ACAT1: variants seen among roughly 807,000 people sequenced by gnomAD.
ACAT1 encodes the protein acetyl-CoA acetyltransferase, mitochondrial.
Under a neutral mutation model 47.3 loss-of-function variants are expected in ACAT1, and 28 were observed. The observed-to-expected ratio is 0.59, with a 90% CI of 0.44 to 0.81. ACAT1 has a LOEUF of 0.81. Ranked by LOEUF, ACAT1 falls within the 30% of genes least tolerant of loss-of-function variation. The pLI is 0.00. For missense variants in ACAT1, 469 were observed against 524.3 expected, an observed-to-expected ratio of 0.89 and a Z score of 1.03; for synonymous variants, 181 against 173.6, an observed-to-expected ratio of 1.04 and a Z score of -0.34.
rs969770311 is a variant in ACAT1, at chr11:108,134,270, A to C, written c.288A>C (p.Gln96His). Residue 96 changes from glutamine (Q) to histidine (H), a missense_variant, in exon 4 of 12, where the codon CAA becomes CAC. By Grantham distance (24) the Gln-to-His change is conservative. Transcript: ENST00000265838. Reference protein sequence around the residue: ...VKEAYMGNVLQGGEGQAPTRQ... With the variant: ...VKEAYMGNVLHGGEGQAPTRQ... The stretch of plus-strand genomic sequence containing the variant: ...AAGCATACATGGGTAATGTTCTACA[A>C]GGAGGTGAAGGACAAGCTCCTACAA... 1 of 1,613,776 alleles carries C rather than the reference A, an allele frequency of 6.2e-7. No homozygotes were observed. The highest frequency in any genetic ancestry group is 8.5e-7 in the Non-Finnish European group (1 of 1,179,852).
chr11:108,146,356 T>A lies in ACAT1; in HGVS notation c.1160T>A (p.Ile387Asn), dbSNP rs748303093. Residue 387 changes from isoleucine (I) to asparagine (N), a missense_variant, in exon 11 of 12, where the codon ATT becomes AAT. Physicochemically the swap from Ile to Asn is moderately radical, Grantham distance 149 (BLOSUM62 -3). Transcript: ENST00000265838. Reference protein sequence around the residue: ...NGGAVSLGHPIGMSGARIVGH... With the variant: ...NGGAVSLGHPNGMSGARIVGH... ...GGAGCTGTTTCTCTGGGACATCCAATTGGGTAGGTAAAAATAATAACTATA... is the reference window on the plus strand; with the variant it reads ...GGAGCTGTTTCTCTGGGACATCCAAATGGGTAGGTAAAAATAATAACTATA... 1.2e-6 allele frequency: 2 copies of A among 1,613,888 alleles called. No homozygotes were observed. Among genetic ancestry groups the A allele is most frequent in the Non-Finnish European group, 1.7e-6 (2 of 1,179,870 alleles).
chr11:108,132,005 C>A, intron 2 of ACAT1, 51 bp downstream of exon 2: 1 of 1,148,984 alleles, frequency 8.7e-7, no homozygotes, highest in South Asian at 1.3e-5. Context: ...AAGGAAATGT[C>A]AATAAAAATG....
At chr11:108,124,178 CCTGA>C (rs2077205704) in intron 1 of ACAT1, among the ~76,000 whole-genome samples, 1 of 152,218 alleles carries the variant, frequency 6.6e-6, no homozygotes, top group African/African-American at 2.4e-5. Context: ...CTGCTGGGAT[CCTGA>C]CCCCTTGGCT....
rs538151145 is a variant in ACAT1, at chr11:108,139,588, GTCTCA to G, written c.580-476_580-472del. Among the ~76,000 whole-genome samples, 15 of 151,682 alleles carry G rather than the reference GTCTCA, an allele frequency of 9.9e-5. No individual in the cohort carries two copies. In the South Asian group the frequency reaches 3.1e-3, roughly 31 times the overall value. On this transcript the variant is annotated intron_variant, in intron 6 of 11. Coordinates refer to ENST00000265838, the MANE Select transcript of ACAT1 (RefSeq NM_000019.4). ...GCCTGGGTGACAAGAGTCAAACTCC[GTCTCA>G]AAAAAAGACATGAGTGAAAAGTGAC...
intron 1 of ACAT1, among the ~76,000 whole-genome samples, chr11:108,128,460 G>A (rs369028124): frequency 6.6e-6 from 1 of 152,106 alleles, no homozygotes; most frequent in Non-Finnish European, 1.5e-5. Flanking sequence ...GCGTGGTGGC[G>A]CATGCCTGTA....
intron 2 of ACAT1, 74 bp from the exon 3 acceptor site, chr11:108,133,746 T>TA (rs2077406248): frequency 8.2e-7 from 1 of 1,217,360 alleles, no homozygotes; most frequent in African/African-American, 1.5e-5. Flanking sequence ...TTTTTGATAA[T>TA]ATATTTATGT....
intron 10 of ACAT1, among the ~76,000 whole-genome samples, chr11:108,144,579 T>C (rs2077663916): frequency 1.3e-5 from 2 of 152,058 alleles, no homozygotes; most frequent in South Asian, 4.1e-4. Context: ...TTCTTAGAAA[T>C]CTTAAGTAAA....
chr11:108,140,859 G>C (rs1342643903), intron 7 of ACAT1, among the ~76,000 whole-genome samples: 1 of 152,070 alleles, frequency 6.6e-6, no homozygotes, highest in Non-Finnish European at 1.5e-5. Context: ...AGCTGCCTCT[G>C]GGGTCAGGAG....
chr11:108,138,083 G>A (rs2077501760), intron 5 of ACAT1, among the ~76,000 whole-genome samples: 1 of 145,874 alleles, frequency 6.9e-6, no homozygotes. Flanking sequence ...CTGCCTCCCA[G>A]GTTCACGCCA....
upstream of ACAT1, among the ~76,000 whole-genome samples, chr11:108,120,178 G>A (rs896878851): frequency 6.6e-6 from 1 of 151,746 alleles, no homozygotes; most frequent in Non-Finnish European, 1.5e-5. Context: ...GGTGACAAGT[G>A]CGAGACTGTC....
Position 108,133,897 on chromosome 11 carries a change from G to A in ACAT1, c.198G>A (p.Lys66=). The A allele has an allele frequency of 1.2e-6, 2 of 1,614,094 alleles. No individual in the cohort carries two copies. Among genetic ancestry groups the A allele is most frequent in the Non-Finnish European group, 1.7e-6 (2 of 1,180,006 alleles). ...LGSLSLLPAT[K]LGSIAIQGAI... is the part of the protein sequence containing the mutation. Reference sequence around the variant, plus strand: ...GCCTTTCCTTGCTGCCAGCCACTAAGCTTGGTTCCATTGCAATTCAGGGAG... The same window carrying A: ...GCCTTTCCTTGCTGCCAGCCACTAAACTTGGTTCCATTGCAATTCAGGGAG... The change falls in exon 3 of 12, where the codon AAG becomes AAA. Residue 66 remains lysine (K), a synonymous_variant. Transcript: ENST00000265838.
upstream of ACAT1, among the ~76,000 whole-genome samples, chr11:108,117,336 T>G (rs1363101110): frequency 1.3e-5 from 2 of 148,686 alleles, no homozygotes; most frequent in Non-Finnish European, 3.0e-5. Flanking sequence ...GAGACAGAGT[T>G]TTGCTCTGTC....
rs1591359671 is a variant in ACAT1, at chr11:108,131,353, A to ATTTTTTTTTT, written c.73-554_73-553insTTTTTTTTTT. Among the ~76,000 whole-genome samples the ATTTTTTTTTT allele has an allele frequency of 4.0e-4, 4 of 10,018 alleles. No individual in the cohort carries two copies. The South Asian group carries it at 0.023, about 58-fold the overall frequency. The allele number at this position is 10,018 out of a possible 152,430, so 6.6% of individuals were successfully genotyped here. ...AAAGCTATATTTAAGAAAGACTTGG[A>ATTTTTTTTTT]ATTTTTTTTTTTTTTTTTTAGACAG... On this transcript the variant is annotated intron_variant, in intron 1 of 11. Coordinates refer to ENST00000265838, the MANE Select transcript of ACAT1 (RefSeq NM_000019.4).
At chr11:108,124,207 T>G (rs1329206348) in intron 1 of ACAT1, among the ~76,000 whole-genome samples, 1 of 152,230 alleles carries the variant, frequency 6.6e-6, no homozygotes. Flanking sequence ...TAACCTTGCT[T>G]CTTCCCTTTG....
At chr11:108,124,583 C>G (rs1157543435) in intron 1 of ACAT1, among the ~76,000 whole-genome samples, 2 of 152,106 alleles carry the variant, frequency 1.3e-5, no homozygotes, top group Non-Finnish European at 2.9e-5. Flanking sequence ...TGGCCCCCTT[C>G]CCTTTTTCTA....
chr11:108,133,316 T>C (rs2077399141), intron 2 of ACAT1, among the ~76,000 whole-genome samples: 1 of 152,090 alleles, frequency 6.6e-6, no homozygotes, highest in Non-Finnish European at 1.5e-5. Flanking sequence ...AGTTGTTTAT[T>C]ATGCAGTTAA....
chr11:108,127,571 T>G (rs1181983997), intron 1 of ACAT1, among the ~76,000 whole-genome samples: 1 of 151,924 alleles, frequency 6.6e-6, no homozygotes. Flanking sequence ...CCCGGCCTCA[T>G]AAATGCTTTT....
rs1388288534 is a variant in ACAT1 at position 108,138,975 on chromosome 11, T to C, written c.513T>C (p.Gly171=). The change falls in exon 6 of 12, where the codon GGT becomes GGC. Residue 171 remains glycine (G), a synonymous_variant. Coordinates refer to ENST00000265838, the MANE Select transcript of ACAT1 (RefSeq NM_000019.4). Reference sequence around the variant, plus strand: ...TGAACAGAGGATCAACACCATATGGTGGGGTAAAGCTTGAAGATTTGATTG... The same window carrying C: ...TGAACAGAGGATCAACACCATATGGCGGGGTAAAGCTTGAAGATTTGATTG... ...YVMNRGSTPY[G]GVKLEDLIVK... 1.2e-6 allele frequency: 2 copies of C among 1,614,084 alleles called. No individual in the cohort carries two copies. Among genetic ancestry groups the C allele is most frequent in the Admixed American group, 1.7e-5 (1 of 59,998 alleles).
At chr11:108,138,396 C>G (rs868167669) in intron 5 of ACAT1, among the ~76,000 whole-genome samples, 1 of 150,970 alleles carries the variant, frequency 6.6e-6, no homozygotes, top group Non-Finnish European at 1.5e-5. Flanking sequence ...ATCTCCGCCT[C>G]TACTTTTTTT....
Sources: allele counts gnomAD v4.1 joint callset (sites outside exome capture counted in the v4.1 genomes callset), GRCh38; gene constraint gnomAD v4.1.1; transcripts MANE v1.5; gene names NCBI Gene and HGNC (gene_info 2026-07-23, HGNC 2026-07-21).